The following FRAS1 variants were observed in gnomAD, a reference collection of about 807,000 sequenced individuals.
FRAS1 encodes extracellular matrix organizing protein FRAS1.
A neutral mutation model predicts 435.2 loss-of-function variants in FRAS1; 290 were observed. The ratio of observed to expected loss-of-function variants is 0.67; its 90% CI spans 0.61 to 0.73. The LOEUF (loss-of-function observed/expected upper bound fraction) is 0.73. Among genes scored for constraint, FRAS1 ranks in the 30% least tolerant of loss-of-function variants. The pLI is 0.00. For missense variants in FRAS1, 4,860 were observed against 5,001.5 expected (o/e 0.97, Z 0.85); for synonymous variants, 1,800 against 1,851.0 (o/e 0.97, Z 0.71).
Position 78,363,769 on chromosome 4 carries a change from G to A in FRAS1, c.2575+104G>A. Reference sequence around the variant, plus strand: ...TCCTAAGAGAGAGTGGAGGCAGGAAGTGTAAACCACTTCCATGGGACTGTA... The same window carrying A: ...TCCTAAGAGAGAGTGGAGGCAGGAAATGTAAACCACTTCCATGGGACTGTA... On this transcript the variant is annotated intron_variant, in intron 21 of 73. Coordinates refer to ENST00000512123, the MANE Select transcript of FRAS1 (RefSeq NM_025074.7). 3 of 1,436,408 alleles carry A rather than the reference G, an allele frequency of 2.1e-6. No homozygotes were observed. In the South Asian group the frequency reaches 4.0e-5, roughly 19 times the overall value. 89.0% of individuals were successfully genotyped at this position (1,436,408 alleles called of 1,614,324 possible).
At chr4:78,270,694 G>T (rs1726632236) in intron 9 of FRAS1, among the ~76,000 whole-genome samples, 1 of 152,020 alleles carries the variant, frequency 6.6e-6, no homozygotes, top group Admixed American at 6.5e-5. Flanking sequence ...TGCATAGTCA[G>T]TCTTGTTTCA....
intron 71 of FRAS1, among the ~76,000 whole-genome samples, chr4:78,536,218 G>C (rs1394932472): frequency 8.6e-6 from 1 of 116,082 alleles, no homozygotes; most frequent in Admixed American, 1.0e-4. Flanking sequence ...TTTTTGCCTA[G>C]AGTGTTCTCT....
chr4:78,284,227 G>GTTTTTTTTTTT (rs1460694054), intron 12 of FRAS1, among the ~76,000 whole-genome samples, 178 bp from the exon 13 acceptor site: 1 of 37,342 alleles, frequency 2.7e-5, no homozygotes, highest in African/African-American at 6.9e-5. Context: ...GCATTGGAAT[G>GTTTTTTTTTTT]TATTTTTTTT....
chr4:78,263,887 G>T (rs900821494), intron 6 of FRAS1, among the ~76,000 whole-genome samples: 2 of 152,156 alleles, frequency 1.3e-5, no homozygotes, highest in East Asian at 3.9e-4. Context: ...ATATAATGGG[G>T]TTAAAGAATT....
At chr4:78,258,470 A>T (rs1324022855) in intron 6 of FRAS1, among the ~76,000 whole-genome samples, 2 of 151,650 alleles carry the variant, frequency 1.3e-5, no homozygotes, top group African/African-American at 4.8e-5. Context: ...ATTTGGAAGG[A>T]CTATAATCTC....
chr4:78,156,394 G>A (rs1322461207), intron 2 of FRAS1, among the ~76,000 whole-genome samples: 1 of 151,376 alleles, frequency 6.6e-6, no homozygotes, highest in Non-Finnish European at 1.5e-5. Flanking sequence ...CCTAAATGTG[G>A]TCTTTCTTTT....
chr4:78,383,875 C>G (rs1327015814), intron 27 of FRAS1, among the ~76,000 whole-genome samples, 184 bp from the exon 28 acceptor site: 1 of 152,044 alleles, frequency 6.6e-6, no homozygotes, highest in Non-Finnish European at 1.5e-5. Flanking sequence ...GTATTTTTAC[C>G]TGAATCTTAC....
chr4:78,436,256 T>G (rs1387377981), intron 38 of FRAS1, among the ~76,000 whole-genome samples: 1 of 152,078 alleles, frequency 6.6e-6, no homozygotes, highest in African/African-American at 2.4e-5. Context: ...AATAAACATA[T>G]GAAGAGATAG....
intron 2 of FRAS1, among the ~76,000 whole-genome samples, chr4:78,128,559 G>A (rs571300682): frequency 6.6e-6 from 1 of 152,314 alleles, no homozygotes; most frequent in East Asian, 1.9e-4. Context: ...TTCTTTTTGA[G>A]AAGTGTCTGT....
chr4:78,401,740 C>T (rs1248346317), intron 30 of FRAS1, among the ~76,000 whole-genome samples: 1 of 151,144 alleles, frequency 6.6e-6, no homozygotes, highest in Non-Finnish European at 1.5e-5. Context: ...AAAAAAAAGC[C>T]TGGTGAAAAT....
intron 15 of FRAS1, among the ~76,000 whole-genome samples, chr4:78,308,736 G>A (rs1209341410): frequency 3.3e-5 from 5 of 152,162 alleles, no homozygotes; most frequent in South Asian, 2.1e-4. Flanking sequence ...AACCAGGCAC[G>A]GTTCCAAGTG....
intron 2 of FRAS1, among the ~76,000 whole-genome samples, chr4:78,210,028 G>A (rs1723437253): frequency 6.6e-6 from 1 of 152,090 alleles, no homozygotes; most frequent in South Asian, 2.1e-4. Context: ...CCTCTGCTGA[G>A]CTCCTTACCT....
chr4:78,445,642 A>G lies in FRAS1; in HGVS notation c.5786A>G (p.Asp1929Gly). 1 of 1,613,904 alleles carries G rather than the reference A, an allele frequency of 6.2e-7. No individual in the cohort carries two copies. Among genetic ancestry groups the G allele is most frequent in the African/African-American group, 1.3e-5 (1 of 75,050 alleles). ...SVHESIEPTH[D>G]IFSFYVSDGT... Reference sequence around the variant, plus strand: ...CATGAAAGCATTGAGCCAACCCATGATATTTTTAGTTTTTATGTGAGTGAT... The same window carrying G: ...CATGAAAGCATTGAGCCAACCCATGGTATTTTTAGTTTTTATGTGAGTGAT... Residue 1929 changes from aspartate to glycine, a missense_variant, in exon 42 of 74, where the codon GAT becomes GGT. Transcript: ENST00000512123.
chr4:78,090,066 C>G (rs978089077), intron 2 of FRAS1, among the ~76,000 whole-genome samples: 1 of 74,050 alleles, frequency 1.4e-5, no homozygotes, highest in Non-Finnish European at 2.8e-5. Flanking sequence ...CAGTGAAGAT[C>G]GTGGCATTGC....
At chr4:78,346,490 A>G (rs1730609068) in intron 20 of FRAS1, among the ~76,000 whole-genome samples, 1 of 152,140 alleles carries the variant, frequency 6.6e-6, no homozygotes, top group South Asian at 2.1e-4. Context: ...TTCAGAGGGC[A>G]CATATATGAT....
chr4:78,262,120 C>A (rs1019579643), intron 6 of FRAS1, among the ~76,000 whole-genome samples: 1 of 152,172 alleles, frequency 6.6e-6, no homozygotes, highest in Non-Finnish European at 1.5e-5. Context: ...TGACTGAGAT[C>A]ATTTCTTTTT....
intron 2 of FRAS1, among the ~76,000 whole-genome samples, chr4:78,073,862 A>C (rs1455142425): frequency 1.3e-5 from 2 of 152,222 alleles, no homozygotes; most frequent in Non-Finnish European, 2.9e-5. Flanking sequence ...TTAAACATAA[A>C]ATTGGCACAA....
At chr4:78,315,095 T>A (rs1729184535) in intron 15 of FRAS1, among the ~76,000 whole-genome samples, 1 of 152,190 alleles carries the variant, frequency 6.6e-6, no homozygotes, top group Non-Finnish European at 1.5e-5. Flanking sequence ...TGAAAGACTG[T>A]GTGAAGTTCA....
Position 78,384,094 on chromosome 4 carries a change from A to G in FRAS1, c.3599A>G (p.Gln1200Arg), listed in dbSNP as rs771366927. ...GYLFLKISDQ[Q>R]FFSEPQLINI... ...CTTTTCCTGAAAATTAGTGACCAGC[A>G]GTTCTTCTCTGAGCCACAGCTGATC... The change falls in exon 28 of 74, where the codon CAG becomes CGG. Residue 1200 changes from glutamine to arginine, a missense_variant. By Grantham distance (43) the Gln-to-Arg change is conservative (BLOSUM62 1). Transcript: ENST00000512123. 1 of 1,607,296 alleles carries G rather than the reference A, an allele frequency of 6.2e-7. No homozygotes were observed. Among genetic ancestry groups the G allele is most frequent in the Non-Finnish European group, 8.5e-7 (1 of 1,178,070 alleles).
Sources: allele counts gnomAD v4.1 joint callset (sites outside exome capture counted in the v4.1 genomes callset), GRCh38; gene constraint gnomAD v4.1.1; transcripts MANE v1.5; gene names NCBI Gene and HGNC (gene_info 2026-07-23, HGNC 2026-07-21).